Variants in GOLGA5 observed in about 807,000 individuals in gnomAD.
The protein encoded by GOLGA5 is golgin A5, also known as golgin subfamily A member 5.
Under a neutral mutation model 93.5 loss-of-function variants are expected in GOLGA5, and 50 were observed. The observed-to-expected ratio is 0.53, with a 90% CI of 0.43 to 0.68. GOLGA5 has a LOEUF of 0.68. Ranked by LOEUF, GOLGA5 falls within the 30% of genes least tolerant of loss-of-function variation. The pLI, the probability that GOLGA5 is intolerant of heterozygous loss-of-function variation, is 0.00. For missense variants in GOLGA5, 760 were observed against 856.4 expected (o/e 0.89, Z 1.40); for synonymous variants, 312 against 304.5 (o/e 1.02, Z -0.26).
chr14:92,837,447 A>G lies in GOLGA5; in HGVS notation c.2113A>G (p.Met705Val), dbSNP rs754197576. Residue 705 changes from methionine to valine, a missense_variant and splice_region_variant, in exon 12 of 13, where the codon ATG becomes GTG. Physicochemically the swap from Met to Val is conservative, Grantham distance 21. Coordinates refer to ENST00000163416, the MANE Select transcript of GOLGA5 (RefSeq NM_005113.4). The part of the protein sequence containing the change: ...PIARVFVIIY[M>V]ALLHLWVMIV... ...AGCGCGAGTTTTTGTAATTATATAT[A>G]TGGTAAGTAAATTTATTTGAAAAAA... 1.5e-6 allele frequency: 2 copies of G among 1,326,844 alleles called. No individual in the cohort carries two copies. The highest frequency in any genetic ancestry group is 2.2e-6 in the Non-Finnish European group (2 of 923,044). 82.2% of individuals were successfully genotyped at this position (1,326,844 alleles called of 1,614,324 possible).
chr14:92,835,441 G>A lies in GOLGA5; in HGVS notation c.1946-118G>A, dbSNP rs1394990433. 1.6e-5 allele frequency: 9 copies of A among 574,874 alleles called. No individual in the cohort carries two copies. The South Asian group carries it at 2.5e-4, about 16-fold the overall frequency. 35.6% of individuals were successfully genotyped at this position (574,874 alleles called of 1,614,324 possible). A position where few individuals can be genotyped will look rare whatever the true frequency, so the allele number is the denominator to read the frequency against. On this transcript the variant is annotated intron_variant, in intron 10 of 12. Transcript: ENST00000163416. Reference sequence around the variant, plus strand: ...TTTATAGTTTCATCTACTTTGGGGTGATGCTTAGAAAGTTGCCCTTGAAAA... The same window carrying A: ...TTTATAGTTTCATCTACTTTGGGGTAATGCTTAGAAAGTTGCCCTTGAAAA...
In GOLGA5 at chr14:92,839,616, T is replaced by C; in HGVS notation, c.*170T>C. ...ATTCTACCTAAATCTTCCAATTTCC[T>C]TTAAATGGTAAGAGTTTCTAAAACA... On this transcript the variant is annotated 3_prime_UTR_variant, in exon 13 of 13. Coordinates refer to ENST00000163416, the MANE Select transcript of GOLGA5 (RefSeq NM_005113.4). 1.7e-6 allele frequency: 1 copy of C among 597,478 alleles called. No individual in the cohort carries two copies. The highest frequency in any genetic ancestry group is 2.1e-5 in the South Asian group (1 of 47,728). The allele number at this position is 597,478 out of a possible 1,614,324, so 37.0% of individuals were successfully genotyped here. A position where few individuals can be genotyped will look rare whatever the true frequency, so the allele number is the denominator to read the frequency against.
At chr14:92,795,316 C>T (rs1884702210) in intron 1 of GOLGA5, among the ~76,000 whole-genome samples, 1 of 152,166 alleles carries the variant, frequency 6.6e-6, no homozygotes, top group Admixed American at 6.5e-5. Flanking sequence ...AATACATAGG[C>T]ATTTAATAGT....
At chr14:92,818,747 T>C (rs1028819769) in intron 7 of GOLGA5, among the ~76,000 whole-genome samples, 1 of 152,098 alleles carries the variant, frequency 6.6e-6, no homozygotes, top group Non-Finnish European at 1.5e-5. Flanking sequence ...TACCAACAGA[T>C]AAAAAAGCAA....
At chr14:92,800,095 C>T (rs575886079) in intron 2 of GOLGA5, among the ~76,000 whole-genome samples, 38 of 152,318 alleles carry the variant, frequency 2.5e-4, no homozygotes, top group Admixed American at 1.2e-3. Context: ...AATATGTTCA[C>T]ATATTCCAAA....
chr14:92,794,652 C>G (rs892325196), intron 1 of GOLGA5, among the ~76,000 whole-genome samples, 196 bp downstream of exon 1: 1 of 152,260 alleles, frequency 6.6e-6, no homozygotes, highest in Non-Finnish European at 1.5e-5. Flanking sequence ...CTGCCCTCCT[C>G]TGTCTTCCTT....
intron 9 of GOLGA5, among the ~76,000 whole-genome samples, chr14:92,830,354 C>T (rs1885504065): frequency 6.6e-6 from 1 of 151,914 alleles, no homozygotes; most frequent in East Asian, 1.9e-4. Context: ...CATAGTCAAC[C>T]CAACACAGAA....
chr14:92,801,711 C>T (rs1052279403), intron 2 of GOLGA5, among the ~76,000 whole-genome samples: 2 of 146,082 alleles, frequency 1.4e-5, no homozygotes, highest in Admixed American at 1.4e-4. Flanking sequence ...CTATAGTGTG[C>T]GATAGGCATT....
At chr14:92,817,544 T>G (rs1885235546) in intron 7 of GOLGA5, among the ~76,000 whole-genome samples, 1 of 152,192 alleles carries the variant, frequency 6.6e-6, no homozygotes, top group Non-Finnish European at 1.5e-5. Flanking sequence ...GTTGGGCCAT[T>G]TATTTTGCTT....
In GOLGA5 at chr14:92,833,191, A is replaced by G. The variant is rs761046100; in HGVS notation, c.1789A>G (p.Thr597Ala). The change falls in exon 10 of 13, where the codon ACT becomes GCT. Residue 597 changes from threonine to alanine, a missense_variant. Transcript: ENST00000163416. ...LENRLHQLTETLIQKQTMLES... is the reference protein window; with the variant it reads ...LENRLHQLTEALIQKQTMLES... ...AAATCGACTCCATCAGCTAACAGAGACTCTCATCCAGAAACAGACCATGCT... is the reference window on the plus strand; with the variant it reads ...AAATCGACTCCATCAGCTAACAGAGGCTCTCATCCAGAAACAGACCATGCT... 6.2e-7 allele frequency: 1 copy of G among 1,613,398 alleles called. No homozygotes were observed. The highest frequency in any genetic ancestry group is 1.7e-5 in the Admixed American group (1 of 60,014).
chr14:92,797,943 A>G lies in GOLGA5; in HGVS notation c.506A>G (p.Lys169Arg), dbSNP rs763346887. ...SSVNPSVTTI[K>R]TIEENSFGSQ... ...GTGAACCCCAGTGTAACCACCATCA[A>G]AACCATTGAAGAAAATTCTTTTGGG... Residue 169 changes from lysine to arginine, a missense_variant, in exon 2 of 13, where the codon AAA (lysine) becomes AGA (arginine). Coordinates refer to ENST00000163416, the MANE Select transcript of GOLGA5 (RefSeq NM_005113.4). 6.3e-7 allele frequency: 1 copy of G among 1,594,416 alleles called. No individual in the cohort carries two copies. Among genetic ancestry groups the G allele is most frequent in the East Asian group, 2.2e-5 (1 of 44,784 alleles).
chr14:92,818,560 C>G (rs374093939), intron 7 of GOLGA5, among the ~76,000 whole-genome samples: 5 of 152,200 alleles, frequency 3.3e-5, no homozygotes, highest in African/African-American at 7.2e-5. Context: ...CTTCTGCTAA[C>G]CTGAAAACTC....
In GOLGA5 at chr14:92,825,855, C is replaced by CAAAAAA. The variant is rs35982767; in HGVS notation, c.1719+1217_1719+1222dup. On this transcript the variant is annotated intron_variant, in intron 9 of 12. Coordinates refer to ENST00000163416, the MANE Select transcript of GOLGA5 (RefSeq NM_005113.4). ...TGAGTGACAGAGTGAGACCCTGTCT[C>CAAAAAA]AAAAAAAAAAAGAAAAAACAACCAT... is the stretch of plus-strand genomic sequence containing the variant. 5.1e-5 allele frequency among the ~76,000 whole-genome samples: 6 copies of CAAAAAA among 117,070 alleles called. 1 individual carries two copies. Among genetic ancestry groups the CAAAAAA allele is most frequent in the East Asian group, 5.1e-4 (2 of 3,940 alleles). 76.8% of individuals were successfully genotyped at this position (117,070 alleles called of 152,430 possible). A position where few individuals can be genotyped will look rare whatever the true frequency, so the allele number is the denominator to read the frequency against.
chr14:92,816,559 C>G, intron 7 of GOLGA5, 138 bp downstream of exon 7: 1 of 553,488 alleles, frequency 1.8e-6, no homozygotes, highest in Non-Finnish European at 3.1e-6. Context: ...TTCTCTTCCT[C>G]CTCCTCTTCC....
Position 92,816,440 on chromosome 14 carries a change from C to T in GOLGA5, c.1491+19C>T, listed in dbSNP as rs755592684. The T allele has an allele frequency of 3.1e-6, 5 of 1,606,836 alleles. No homozygotes were observed. The highest frequency in any genetic ancestry group is 4.3e-6 in the Non-Finnish European group (5 of 1,173,784). ...ATTACAGGTAAGATTCATGGTGGTT[C>T]AGCTTAGTAGACACCATTTACCCTC... On this transcript the variant is annotated intron_variant, in intron 7 of 12. Coordinates refer to ENST00000163416, the MANE Select transcript of GOLGA5 (RefSeq NM_005113.4).
Position 92,824,578 on chromosome 14 carries a change from A to C in GOLGA5, c.1653A>C (p.Arg551=). Residue 551 remains arginine (R), a synonymous_variant, in exon 9 of 13, where the codon CGA becomes CGC. Transcript: ENST00000163416. ...EFHYIEEDLY[R]TKNTLQSRIK... is the part of the protein sequence containing the mutation. ...ACTATATAGAAGAAGATCTTTATCG[A>C]ACAAAGAACACATTGCAAAGCAGAA... 1 of 1,604,602 alleles carries C rather than the reference A, an allele frequency of 6.2e-7. No homozygotes were observed. Among genetic ancestry groups the C allele is most frequent in the Non-Finnish European group, 8.5e-7 (1 of 1,172,986 alleles).
chr14:92,830,911 T>C (rs1057242844), intron 9 of GOLGA5, among the ~76,000 whole-genome samples: 3 of 152,160 alleles, frequency 2.0e-5, no homozygotes, highest in African/African-American at 7.2e-5. Context: ...AAATATAACT[T>C]TTATATGCAC....
At chr14:92,811,926 T>G (rs1885110585) in intron 6 of GOLGA5, among the ~76,000 whole-genome samples, 172 bp downstream of exon 6, 1 of 106,752 alleles carries the variant, frequency 9.4e-6, no homozygotes, top group African/African-American at 4.0e-5. Context: ...TGTTTCTTGT[T>G]CCTACCACTT....
chr14:92,820,494 G>A (rs1885294904), intron 8 of GOLGA5, among the ~76,000 whole-genome samples: 1 of 152,144 alleles, frequency 6.6e-6, no homozygotes. Flanking sequence ...GGAGAAAGAG[G>A]CCTTCCTCTT....
Sources: gnomAD v4.1 joint callset for allele counts (sites outside exome capture counted in the v4.1 genomes callset) on GRCh38, gnomAD v4.1.1 for gene constraint, MANE v1.5 for transcripts, NCBI Gene and HGNC (gene_info 2026-07-23, HGNC 2026-07-21) for gene names.